The following GIT2 variants were observed in gnomAD, a reference collection of about 807,000 sequenced individuals.
GIT2 encodes ARF GTPase-activating protein GIT2.
A neutral mutation model predicts 100.3 loss-of-function variants in GIT2; 32 were observed. The ratio of observed to expected loss-of-function variants is 0.32; its 90% CI spans 0.24 to 0.43. GIT2 has a LOEUF of 0.43. GIT2 is among the 20% of genes least tolerant of loss of function. The pLI is 1.00. For synonymous variants in GIT2, 353 were observed against 364.1 expected (o/e 0.97, Z 0.35); for missense variants, 737 against 975.1 (o/e 0.76, Z 3.25).
chr12:109,936,824 G>A (rs561645218), intron 18 of GIT2, among the ~76,000 whole-genome samples: 2 of 151,438 alleles, frequency 1.3e-5, no homozygotes, highest in Middle Eastern at 3.4e-3. Flanking sequence ...GAGCAAGATC[G>A]TGCCACTGCT....
At position 109,932,776 on chromosome 12, in the gene GIT2, A is replaced by C. The variant is rs1397119600; in HGVS notation, c.*202T>G. 1 of 544,730 alleles carries C rather than the reference A, an allele frequency of 1.8e-6. No homozygotes were observed. Among genetic ancestry groups the C allele is most frequent in the African/African-American group, 1.9e-5 (1 of 52,948 alleles). 33.7% of individuals were successfully genotyped at this position (544,730 alleles called of 1,614,324 possible). On this transcript the variant is annotated 3_prime_UTR_variant, in exon 20 of 20. Coordinates refer to ENST00000355312, the MANE Select transcript of GIT2 (RefSeq NM_057169.5). The stretch of plus-strand genomic sequence containing the variant: ...CCGAACATCAGAAACTAAACCAGCA[A>C]ATAGGCACAAAATAAGGCAAGTGGG...
intron 4 of GIT2, 81 bp downstream of exon 4, chr12:109,988,882 A>C: frequency 1.3e-5 from 8 of 635,866 alleles, no homozygotes; most frequent in East Asian, 3.1e-5. Flanking sequence ...GCCCACAACC[A>C]GACTTTTTTT....
chr12:109,968,501 G>A lies in GIT2; in HGVS notation c.719-998C>T, dbSNP rs144180166. Among the ~76,000 whole-genome samples the A allele has an allele frequency of 6.5e-3, 995 of 152,128 alleles. 14 individuals are homozygous for A. The highest frequency in any genetic ancestry group is 0.023 in the African/African-American group (959 of 41,494). On this transcript the variant is annotated intron_variant, in intron 7 of 19. Transcript: ENST00000355312. ...TGCAATGGCGCAATCTCGGCTCACC[G>A]CAACCTCCGCCTCCTGGGTTCAAGC...
chr12:109,948,528 C>A lies in GIT2; in HGVS notation c.1393-1024G>T. The A allele has an allele frequency of 7.8e-7, 1 of 1,277,510 alleles. No homozygotes were observed. Among genetic ancestry groups the A allele is most frequent in the Non-Finnish European group, 9.9e-7 (1 of 1,013,064 alleles). 79.1% of individuals were successfully genotyped at this position (1,277,510 alleles called of 1,614,324 possible). A position where few individuals can be genotyped will look rare whatever the true frequency, so the allele number is the denominator to read the frequency against. Reference sequence around the variant, plus strand: ...CTTTGGCATCTGGCATTTTAAACACCATTCACCACGTCCATTCTGCGCAGG... The same window carrying A: ...CTTTGGCATCTGGCATTTTAAACACAATTCACCACGTCCATTCTGCGCAGG... On this transcript the variant is annotated intron_variant, in intron 14 of 19. Coordinates refer to ENST00000355312, the MANE Select transcript of GIT2 (RefSeq NM_057169.5). This position sits in a 1 kb window ranked among gnomAD's most constrained non-coding sequence, Gnocchi z 4.3.
chr12:109,984,436 T>A (rs958677138), intron 4 of GIT2, among the ~76,000 whole-genome samples: 5 of 151,358 alleles, frequency 3.3e-5, no homozygotes, highest in Middle Eastern at 3.5e-3. Context: ...ATAAAAAAAA[T>A]TTTAAAAGGT....
chr12:109,973,121 C>T (rs570206492), intron 7 of GIT2, among the ~76,000 whole-genome samples: 2 of 152,116 alleles, frequency 1.3e-5, no homozygotes, highest in East Asian at 1.9e-4. Flanking sequence ...AGCCACTATG[C>T]CTGGTCTGTA....
At chr12:109,957,364 C>T (rs1406805609) in intron 12 of GIT2, among the ~76,000 whole-genome samples, 1 of 152,178 alleles carries the variant, frequency 6.6e-6, no homozygotes, top group African/African-American at 2.4e-5. Context: ...GAGGTTCTCA[C>T]CAGATGCCCA....
At chr12:109,995,991 G>A (rs1889335816) in intron 1 of GIT2, 182 bp downstream of exon 1, 2 of 476,098 alleles carry the variant, frequency 4.2e-6, no homozygotes, top group Non-Finnish European at 3.7e-6. Context: ...GGACGGGGAG[G>A]GCGGCGGCCC....
chr12:109,947,439 C>T lies in GIT2; in HGVS notation c.1458G>A (p.Val486=), dbSNP rs1876648780. 1.2e-6 allele frequency: 2 copies of T among 1,613,480 alleles called. No individual in the cohort carries two copies. Among genetic ancestry groups the T allele is most frequent in the South Asian group, 1.1e-5 (1 of 91,082 alleles). The change falls in exon 15 of 20, where the codon GTG becomes GTA. Residue 486 remains valine (V), a synonymous_variant. Coordinates refer to ENST00000355312, the MANE Select transcript of GIT2 (RefSeq NM_057169.5). The surrounding 1 kb of genome is among the most constrained non-coding windows in gnomAD (Gnocchi z 4.3). The stretch of plus-strand genomic sequence containing the variant: ...TGTCTGTGTACTCAGAACCAGTTTG[C>T]ACCTGATATACATTGGTTGTGGCCT... ...RKQATTNVYQ[V]QTGSEYTDTS... is the part of the protein sequence containing the mutation.
At chr12:109,952,691 C>G (rs1878234496) in intron 13 of GIT2, 1 of 500,738 alleles carries the variant, frequency 2.0e-6, no homozygotes, top group Non-Finnish European at 4.0e-6. Flanking sequence ...ATGCTCCCAG[C>G]CATAGATTCT....
chr12:109,976,005 C>A (rs1267207348), intron 7 of GIT2, among the ~76,000 whole-genome samples: 2 of 151,854 alleles, frequency 1.3e-5, no homozygotes, highest in Admixed American at 6.6e-5. Flanking sequence ...CTCTTGACCT[C>A]ATGATCTGCC....
chr12:109,998,130 T>G (rs1889705356), upstream of GIT2: 1 of 152,236 alleles, frequency 6.6e-6, no homozygotes. Flanking sequence ...AAAAGGCATC[T>G]GAAAGAATGA....
intron 7 of GIT2, among the ~76,000 whole-genome samples, chr12:109,975,094 T>C (rs1288726773): frequency 2.0e-5 from 3 of 152,358 alleles, no homozygotes; most frequent in South Asian, 4.1e-4. Flanking sequence ...AGCTTTCTTT[T>C]CCTGAGCCTT....
chr12:109,952,992 T>C, intron 13 of GIT2, 100 bp downstream of exon 13: 1 of 1,181,900 alleles, frequency 8.5e-7, no homozygotes, highest in Non-Finnish European at 1.2e-6. Context: ...TTGCTTGGCC[T>C]GAGCTAGTAA....
chr12:109,975,771 C>CTTT (rs770898259), intron 7 of GIT2, among the ~76,000 whole-genome samples: 4 of 121,388 alleles, frequency 3.3e-5, no homozygotes, highest in Admixed American at 8.4e-5. Context: ...TCTTTGTAGT[C>CTTT]TTTTTTTTTT....
In GIT2 at chr12:109,953,039, C is replaced by A. The variant is rs1389187067; in HGVS notation, c.1242+53G>T. 42 of 1,595,600 alleles carry A rather than the reference C, an allele frequency of 2.6e-5. No homozygotes were observed. In the Admixed American group the frequency reaches 6.1e-4, roughly 23 times the overall value. ...TCACTGCACAGCAGCTTTGGCAGGG[C>A]TAGCCCTCAGCTGATGCGTGCTTGC... On this transcript the variant is annotated intron_variant, in intron 13 of 19. Coordinates refer to ENST00000355312, the MANE Select transcript of GIT2 (RefSeq NM_057169.5).
At chr12:109,972,241 G>T (rs867821373) in intron 7 of GIT2, among the ~76,000 whole-genome samples, 7 of 152,242 alleles carry the variant, frequency 4.6e-5, no homozygotes, top group African/African-American at 1.7e-4. Context: ...AAGAGAAATG[G>T]TAAGAGTGGA....
chr12:109,983,122 G>C, intron 6 of GIT2: 1 of 365,220 alleles, frequency 2.7e-6, no homozygotes, highest in East Asian at 4.7e-5. Flanking sequence ...TCTGACTACA[G>C]CTCAAACATC....
At chr12:109,964,097 G>T (rs1209021263) in intron 9 of GIT2, among the ~76,000 whole-genome samples, 1 of 152,120 alleles carries the variant, frequency 6.6e-6, no homozygotes, top group African/African-American at 2.4e-5. Flanking sequence ...CTAAGAAAAC[G>T]TGGGTTTTTA....
Sources: allele counts gnomAD v4.1 joint callset (sites outside exome capture counted in the v4.1 genomes callset), GRCh38; gene constraint gnomAD v4.1.1; non-coding constraint Gnocchi (gnomAD v3.1); transcripts MANE v1.5; gene names NCBI Gene and HGNC (gene_info 2026-07-23, HGNC 2026-07-21).